Variants in TAF1 observed in about 807,000 individuals in gnomAD.
TAF1 encodes the protein transcription initiation factor TFIID subunit 1.
Under a neutral mutation model 138.5 loss-of-function variants are expected in TAF1, and 2 were observed. That is an observed-to-expected ratio of 0.01 (90% CI 0.01 to 0.05). The LOEUF is 0.05. Ranked by LOEUF, TAF1 falls within the 10% of genes least tolerant of loss-of-function variation. TAF1 has a pLI of 1.00. For missense variants in TAF1, 709 were observed against 1,478.0 expected (o/e 0.48, Z 8.53); for synonymous variants, 437 against 503.2 (o/e 0.87, Z 1.76).
chrX:71,412,346 C>G (rs1302569138), intron 28 of TAF1, among the ~76,000 whole-genome samples: 1 of 109,039 alleles, frequency 9.2e-6, no homozygotes, highest in Non-Finnish European at 1.9e-5. Flanking sequence ...CCAGGCTGGC[C>G]TCAAACTCCT....
chrX:71,378,792 A>G (rs762400340), intron 7 of TAF1, 32 bp from the exon 8 acceptor site: 1 of 1,186,760 alleles, frequency 8.4e-7, no homozygotes, highest in Admixed American at 2.2e-5. Flanking sequence ...GTGACCAATC[A>G]AGGATGTGTT....
intron 32 of TAF1, among the ~76,000 whole-genome samples, chrX:71,443,356 C>G (rs913060014): frequency 1.8e-5 from 2 of 111,694 alleles, no homozygotes; most frequent in African/African-American, 6.5e-5. Flanking sequence ...GTTTGTAGTT[C>G]TCCTTGAAGA....
intron 3 of TAF1, among the ~76,000 whole-genome samples, chrX:71,371,722 G>A (rs2033070585): frequency 9.0e-6 from 1 of 111,635 alleles, no homozygotes; most frequent in African/African-American, 3.3e-5. Context: ...CCTAGGCTTA[G>A]AGTGTCATAG....
rs150736592 is a variant in TAF1 at position 71,379,020 on chromosome X, A to G, written c.1349A>G (p.Asn450Ser). ...SSMTRNAMAY[N>S]VQQGFAATLD... ...ATGACTAGGAATGCGATGGCTTACA[A>G]TGTTCAGCAAGGTGTGCTTCTGTGC... is the stretch of plus-strand genomic sequence containing the variant. Residue 450 changes from asparagine (N) to serine (S), a missense_variant, in exon 8 of 38, where the codon AAT becomes AGT. Physicochemically the swap from Asn to Ser is conservative, Grantham distance 46. Around this residue, in one of 14 missense-constraint regions of TAF1, gnomAD observed 201 missense variants for 421.3 expected, o/e 0.48. Transcript: ENST00000423759. 2.5e-6 allele frequency: 3 copies of G among 1,205,687 alleles called. No individual in the cohort carries two copies. Among genetic ancestry groups the G allele is most frequent in the Non-Finnish European group, 3.4e-6 (3 of 893,535 alleles).
rs4040068 is a variant in TAF1 at position 71,508,086 on chromosome X, C to CTCTCTCTCTATATA, written c.1367-20455_1367-20454insCTCTCTCTATATAT. Among the ~76,000 whole-genome samples the CTCTCTCTCTATATA allele has an allele frequency of 1.1e-3, 105 of 92,160 alleles. 1 individual carries two copies. Among genetic ancestry groups the CTCTCTCTCTATATA allele is most frequent in the African/African-American group, 4.1e-3 (96 of 23,310 alleles). The allele number at this position is 92,160 out of a possible 115,157, so 80.0% of individuals were successfully genotyped here. A position where few individuals can be genotyped will look rare whatever the true frequency, so the allele number is the denominator to read the frequency against. On this transcript the variant is annotated intron_variant and NMD_transcript_variant, in intron 13 of 14. Transcript: ENST00000373775. ...GAATATTCTCTCTCTCTCTCTCTCT[C>CTCTCTCTCTATATA]TATATATATATATATATATATATAT...
At chrX:71,406,071 G>A (rs1245992491) in intron 25 of TAF1, among the ~76,000 whole-genome samples, 1 of 108,157 alleles carries the variant, frequency 9.2e-6, no homozygotes, top group Non-Finnish European at 1.9e-5. Flanking sequence ...GCTCACACCT[G>A]TAATCCCAGC....
At chrX:71,472,982 C>T (rs2038916817) in intron 13 of TAF1, among the ~76,000 whole-genome samples, 1 of 112,318 alleles carries the variant, frequency 8.9e-6, no homozygotes, top group Admixed American at 9.5e-5. Context: ...ACGAACTTCA[C>T]TACAACTTTG....
At chrX:71,511,546 G>A (rs1390394307) in intron 13 of TAF1, among the ~76,000 whole-genome samples, 2 of 112,628 alleles carry the variant, frequency 1.8e-5, no homozygotes, top group Non-Finnish European at 3.8e-5. Context: ...CAAGACAGCT[G>A]TCTCTCTTCT....
chrX:71,393,224 TTGTGTGTGTGTGTGTGTGTG>T (rs201372159), intron 20 of TAF1, 57 bp from the exon 21 acceptor site: 50 of 955,860 alleles, frequency 5.2e-5, no homozygotes, highest in Middle Eastern at 5.8e-4. Context: ...CCTGAATGAT[TTGTGTGTGTGTGTGTGTGTG>T]TGTGTGTGTG....
intron 29 of TAF1, 121 bp downstream of exon 29, chrX:71,421,497 T>C (rs1210029257): frequency 1.7e-6 from 1 of 586,895 alleles, no homozygotes; most frequent in African/African-American, 2.3e-5. Flanking sequence ...AGATCTTTAG[T>C]ATATGTGAAG....
chrX:71,441,422 GTTTTTAAAT>G (rs938259364), intron 32 of TAF1, among the ~76,000 whole-genome samples: 5 of 110,694 alleles, frequency 4.5e-5, no homozygotes, highest in African/African-American at 1.3e-4. Flanking sequence ...CAATGATACA[GTTTTTAAAT>G]TTTTTAAATT....
chrX:71,422,156 CAGAG>C (rs1014539243), intron 29 of TAF1, among the ~76,000 whole-genome samples: 9 of 111,616 alleles, frequency 8.1e-5, no homozygotes, highest in Non-Finnish European at 1.1e-4. Context: ...ACAGCAAAAA[CAGAG>C]AGCATGATCT....
At chrX:71,443,270 A>G (rs2037520098) in intron 32 of TAF1, among the ~76,000 whole-genome samples, 1 of 111,902 alleles carries the variant, frequency 8.9e-6, no homozygotes, top group Non-Finnish European at 1.9e-5. Flanking sequence ...CATTTTCACG[A>G]TATTGATTCT....
At chrX:71,512,280 A>T (rs2039746072) in intron 13 of TAF1, among the ~76,000 whole-genome samples, 1 of 111,620 alleles carries the variant, frequency 9.0e-6, no homozygotes, top group Admixed American at 9.6e-5. Flanking sequence ...ATGCCACTGC[A>T]CTCCAGCCTG....
chrX:71,457,933 G>A (rs1036352676), intron 34 of TAF1, among the ~76,000 whole-genome samples: 6 of 112,337 alleles, frequency 5.3e-5, no homozygotes, highest in African/African-American at 1.6e-4. Context: ...CCTAAAAACC[G>A]AAAGACAAGG....
intron 8 of TAF1, among the ~76,000 whole-genome samples, chrX:71,380,523 G>A (rs1050481628): frequency 2.7e-5 from 3 of 110,618 alleles, no homozygotes; most frequent in Non-Finnish European, 5.7e-5. Context: ...TCAGCCTCCC[G>A]AGTAGCCAAG....
intron 13 of TAF1, among the ~76,000 whole-genome samples, chrX:71,520,040 C>T (rs892652653): frequency 9.1e-6 from 1 of 109,843 alleles, no homozygotes; most frequent in African/African-American, 3.3e-5. Flanking sequence ...TCTTGCACTC[C>T]TGACCTTAAG....
intron 3 of TAF1, among the ~76,000 whole-genome samples, chrX:71,370,762 A>C (rs1391492299): frequency 4.5e-5 from 5 of 112,081 alleles, no homozygotes; most frequent in African/African-American, 1.3e-4. Context: ...ACTTGAACTT[A>C]GTTTTTTCGG....
Position 71,372,531 on chromosome X carries a change from C to CA in TAF1, c.353-2635dup, listed in dbSNP as rs200696747. Reference sequence around the variant, plus strand: ...TTGGTTGCCTATAGTCCCAGCTACTCAGGAGGCTGTGGCGGGAAGATAACT... The same window carrying CA: ...TTGGTTGCCTATAGTCCCAGCTACTCAAGGAGGCTGTGGCGGGAAGATAACT... On this transcript the variant is annotated intron_variant, in intron 3 of 37. Coordinates refer to ENST00000423759, the MANE Select transcript of TAF1 (RefSeq NM_004606.5). Among the ~76,000 whole-genome samples, 392 of 106,860 alleles carry CA rather than the reference C, an allele frequency of 3.7e-3. 6 individuals are homozygous for CA. The East Asian group carries it at 0.055, about 15-fold the overall frequency. The allele number at this position is 106,860 out of a possible 115,157, so 92.8% of individuals were successfully genotyped here.
Sources: allele counts gnomAD v4.1 joint callset (sites outside exome capture counted in the v4.1 genomes callset), GRCh38; gene constraint gnomAD v4.1.1; regional missense constraint gnomAD v4.1.1; transcripts MANE v1.5; gene names NCBI Gene and HGNC (gene_info 2026-07-23, HGNC 2026-07-21).